ZC3H12B: variants seen among roughly 807,000 people sequenced by gnomAD.
ZC3H12B encodes zinc finger CCCH-type containing 12B.
ZC3H12B carries 7 observed loss-of-function variants against 43.9 expected under a neutral mutation model. That is an observed-to-expected ratio of 0.16 (90% CI 0.09 to 0.30). The LOEUF is 0.30. Among genes scored for constraint, ZC3H12B ranks in the 10% least tolerant of loss-of-function variants. The pLI, the probability that ZC3H12B is intolerant of heterozygous loss-of-function variation, is 1.00. For missense variants in ZC3H12B, 475 were observed against 670.2 expected (o/e 0.71, Z 3.22); for synonymous variants, 222 against 241.7 (o/e 0.92, Z 0.76).
At chrX:65,211,692 AT>A in the ZC3H12B span, among the ~76,000 whole-genome samples, 2 of 89,945 alleles carry the variant, frequency 2.2e-5, no homozygotes, top group Admixed American at 1.5e-4. Flanking sequence ...TATATATAAT[AT>A]TATATAATAT....
At chrX:65,468,762 G>C (rs1321068107) in intron 3 of ZC3H12B, among the ~76,000 whole-genome samples, 1 of 104,528 alleles carries the variant, frequency 9.6e-6, no homozygotes, top group African/African-American at 3.6e-5. Flanking sequence ...GCCTAGGATT[G>C]TTTTTTCTAA....
At chrX:65,333,566 G>C in the ZC3H12B span, among the ~76,000 whole-genome samples, 4 of 112,154 alleles carry the variant, frequency 3.6e-5, no homozygotes, top group Non-Finnish European at 7.5e-5. Context: ...GATTAATTCA[G>C]TCTTCTATTA....
chrX:65,264,374 C>T, the ZC3H12B span, among the ~76,000 whole-genome samples: 2 of 111,657 alleles, frequency 1.8e-5, no homozygotes, highest in Admixed American at 9.5e-5. Context: ...TTCATTCAGT[C>T]AATTTCAAGT....
At chrX:65,077,879 T>C in the ZC3H12B span, among the ~76,000 whole-genome samples, 1 of 112,147 alleles carries the variant, frequency 8.9e-6, no homozygotes, top group Non-Finnish European at 1.9e-5. Context: ...ACTCATATAG[T>C]TTCTTACCAT....
the ZC3H12B span, among the ~76,000 whole-genome samples, chrX:65,125,875 A>C: frequency 9.0e-6 from 1 of 110,762 alleles, no homozygotes; most frequent in Non-Finnish European, 1.9e-5. Flanking sequence ...AGGTTAGGGG[A>C]GTTTCCTGAA....
chrX:65,373,920 T>TAA (rs2066288841), intron 2 of ZC3H12B, among the ~76,000 whole-genome samples: 2 of 61,773 alleles, frequency 3.2e-5, no homozygotes, highest in East Asian at 4.3e-4. Context: ...TATATATATA[T>TAA]ACTATATATA....
chrX:65,323,049 A>T, the ZC3H12B span, among the ~76,000 whole-genome samples: 1 of 111,362 alleles, frequency 9.0e-6, no homozygotes, highest in Non-Finnish European at 1.9e-5. Context: ...GTGATTTTGT[A>T]TTTGGTATTT....
At chrX:65,073,958 G>C in the ZC3H12B span, among the ~76,000 whole-genome samples, 3 of 111,963 alleles carry the variant, frequency 2.7e-5, no homozygotes, top group Non-Finnish European at 5.6e-5. Flanking sequence ...GAGTGCGCCA[G>C]TTGTCCCAGT....
At position 65,450,434 on chromosome X, in the gene ZC3H12B, T is replaced by C. The variant is rs1431608936; in HGVS notation, n.408-38212T>C. ...GTGTGTATATACATATATATATTTA[T>C]ATGTGTATATATATACATATATGTA... On this transcript the variant is annotated intron_variant and non_coding_transcript_variant, in intron 3 of 5. Transcript: ENST00000617377. 1.4e-3 allele frequency among the ~76,000 whole-genome samples: 96 copies of C among 66,225 alleles called. 7 individuals are homozygous for C. The Admixed American group carries it at 0.02, about 14-fold the overall frequency. 57.5% of individuals were successfully genotyped at this position (66,225 alleles called of 115,157 possible). A position where few individuals can be genotyped will look rare whatever the true frequency, so the allele number is the denominator to read the frequency against.
chrX:65,431,142 G>T (rs913991054), intron 3 of ZC3H12B, among the ~76,000 whole-genome samples: 48 of 112,580 alleles, frequency 4.3e-4, no homozygotes, highest in Middle Eastern at 9.3e-3. Context: ...CTTGTGAAGT[G>T]GGTTCTTTGG....
At chrX:65,086,644 C>T in the ZC3H12B span, among the ~76,000 whole-genome samples, 1 of 112,070 alleles carries the variant, frequency 8.9e-6, no homozygotes, top group Admixed American at 9.4e-5. Context: ...TTTGCTCCTT[C>T]TGCTATATGA....
intron 2 of ZC3H12B, among the ~76,000 whole-genome samples, chrX:65,386,406 TC>T (rs1322289984): frequency 8.9e-6 from 1 of 112,107 alleles, no homozygotes; most frequent in Non-Finnish European, 1.9e-5. Flanking sequence ...TTTATTCATT[TC>T]TTCTGGATTT....
the ZC3H12B span, among the ~76,000 whole-genome samples, chrX:65,095,225 A>T: frequency 2.7e-5 from 3 of 111,969 alleles, no homozygotes; most frequent in Non-Finnish European, 5.6e-5. Context: ...TGCATAGCTC[A>T]GTGGATCAAT....
upstream of ZC3H12B, among the ~76,000 whole-genome samples, chrX:65,365,987 T>C (rs1242336372): frequency 9.1e-6 from 1 of 110,387 alleles, no homozygotes; most frequent in Non-Finnish European, 1.9e-5. Flanking sequence ...AACATAAAAC[T>C]GAATGAAGCT....
chrX:65,274,730 C>A, the ZC3H12B span, among the ~76,000 whole-genome samples: 3 of 110,747 alleles, frequency 2.7e-5, no homozygotes, highest in Non-Finnish European at 5.7e-5. Flanking sequence ...CAGCACCCTC[C>A]CCACTCAGAC....
At chrX:65,150,277 C>T in the ZC3H12B span, among the ~76,000 whole-genome samples, 1 of 111,137 alleles carries the variant, frequency 9.0e-6, no homozygotes, top group Non-Finnish European at 1.9e-5. Context: ...TCATTTATTG[C>T]TAGAAATAAA....
chrX:65,493,146 C>A (rs761943925), intron 1 of ZC3H12B, among the ~76,000 whole-genome samples: 1 of 109,933 alleles, frequency 9.1e-6, no homozygotes, highest in Non-Finnish European at 1.9e-5. Context: ...GTGGCTCACA[C>A]CTGTAATCCC....
chrX:65,330,970 C>A, the ZC3H12B span: 1 of 322,782 alleles, frequency 3.1e-6, no homozygotes, highest in Non-Finnish European at 6.1e-6. Flanking sequence ...GGCAGCCCCT[C>A]TCATCTTTCC....
chrX:65,388,287 A>T (rs1356091600), intron 2 of ZC3H12B, among the ~76,000 whole-genome samples: 2 of 112,102 alleles, frequency 1.8e-5, no homozygotes, highest in Admixed American at 1.9e-4. Context: ...CGAATCAGAC[A>T]TAGATTTGGT....
Sources: gnomAD v4.1 joint callset for allele counts (sites outside exome capture counted in the v4.1 genomes callset) on GRCh38, gnomAD v4.1.1 for gene constraint, MANE v1.5 for transcripts, NCBI Gene and HGNC (gene_info 2026-07-23, HGNC 2026-07-21) for gene names.